Variants in ITSN1 observed in about 807,000 individuals in gnomAD.
ITSN1 encodes intersectin-1.
Under a neutral mutation model 239.8 loss-of-function variants are expected in ITSN1, and 58 were observed. The ratio of observed to expected loss-of-function variants is 0.24; its 90% CI spans 0.20 to 0.30. ITSN1 has a LOEUF of 0.30. ITSN1 is among the 10% of genes least tolerant of loss of function. The probability of loss-of-function intolerance (pLI) is 1.00; values close to 1 mark genes in which losing one functional copy is unlikely to be tolerated. For missense variants in ITSN1, 1,558 were observed against 2,103.3 expected, an observed-to-expected ratio of 0.74 and a Z score of 5.07; for synonymous variants, 780 against 770.8, an observed-to-expected ratio of 1.01 and a Z score of -0.20.
At chr21:33,727,926 C>T (rs2065927511) in intron 4 of ITSN1, among the ~76,000 whole-genome samples, 1 of 152,028 alleles carries the variant, frequency 6.6e-6, no homozygotes, top group African/African-American at 2.4e-5. Context: ...CTCTCTTTCA[C>T]ACTTGCCCCT....
Position 33,769,323 on chromosome 21 carries a change from T to C in ITSN1, c.1042+1495T>C, listed in dbSNP as rs369483586. Among the ~76,000 whole-genome samples the C allele has an allele frequency of 1.6e-4, 24 of 152,352 alleles. No homozygotes were observed. In the South Asian group the frequency reaches 4.6e-3, roughly 29 times the overall value. On this transcript the variant is annotated intron_variant, in intron 11 of 39. Coordinates refer to ENST00000381318, the MANE Select transcript of ITSN1 (RefSeq NM_003024.3). ...TCATTCCTTCAACAGCCGTTTATTA[T>C]ATGCCTCCTACATACTAGGAATATT...
intron 22 of ITSN1, chr21:33,818,035 C>A (rs2073404969): frequency 1.8e-6 from 1 of 552,770 alleles, no homozygotes; most frequent in Non-Finnish European, 3.2e-6. Flanking sequence ...TCTAGATGGT[C>A]AGACAATGAC....
At chr21:33,823,869 G>A (rs2073827574) in intron 25 of ITSN1, among the ~76,000 whole-genome samples, 1 of 152,142 alleles carries the variant, frequency 6.6e-6, no homozygotes, top group Non-Finnish European at 1.5e-5. Flanking sequence ...CTAAGTGGAG[G>A]CTGAGTGTGA....
At chr21:33,871,510 G>A (rs1300935269) in intron 33 of ITSN1, among the ~76,000 whole-genome samples, 2 of 151,936 alleles carry the variant, frequency 1.3e-5, no homozygotes, top group Non-Finnish European at 2.9e-5. Flanking sequence ...TTGGGAGGCC[G>A]AGGCAGGCAG....
chr21:33,799,612 G>A (rs1342667872), intron 18 of ITSN1, among the ~76,000 whole-genome samples, 196 bp from the exon 19 acceptor site: 1 of 144,062 alleles, frequency 6.9e-6, no homozygotes. Flanking sequence ...ACTCTCTCAT[G>A]GGTTTTTGTT....
chr21:33,814,875 G>A (rs916869430), intron 22 of ITSN1, among the ~76,000 whole-genome samples: 42 of 152,286 alleles, frequency 2.8e-4, no homozygotes, highest in Non-Finnish European at 5.4e-4. Context: ...GGGAGGTGCC[G>A]GTGGAAGCAG....
chr21:33,882,330 G>T lies in ITSN1; in HGVS notation c.4429G>T (p.Glu1477Ter). Residue 1477 changes from glutamate to a stop codon, truncating the protein, a stop_gained, in exon 35 of 40, where the codon GAG (glutamate) becomes TAG (stop). Transcript: ENST00000381318. LOFTEE classifies it high-confidence loss of function. This position sits in a 1 kb window ranked among gnomAD's most constrained non-coding sequence, Gnocchi z 4.5. ...GKLYKAKSNK[E>*]LYGFLFNDFL... ...GCTCTACAAGGCCAAGAGCAACAAG[G>T]AGCTGTATGGCTTCCTTTTCAACGA... The T allele has an allele frequency of 6.2e-7, 1 of 1,614,196 alleles. No homozygotes were observed. Among genetic ancestry groups the T allele is most frequent in the South Asian group, 1.1e-5 (1 of 91,080 alleles).
At chr21:33,727,876 A>G (rs542318983) in intron 4 of ITSN1, among the ~76,000 whole-genome samples, 1 of 151,394 alleles carries the variant, frequency 6.6e-6, no homozygotes, top group Non-Finnish European at 1.5e-5. Flanking sequence ...CTAACCTGTC[A>G]TCTCACCTGG....
At chr21:33,676,036 GT>G (rs1008484292) in intron 1 of ITSN1, among the ~76,000 whole-genome samples, 44 of 141,938 alleles carry the variant, frequency 3.1e-4, no homozygotes, top group East Asian at 8.3e-4. Context: ...CCTTTTTTTT[GT>G]TTTTTTTTTT....
chr21:33,733,978 A>G (rs1398864149), intron 4 of ITSN1, among the ~76,000 whole-genome samples: 1 of 152,088 alleles, frequency 6.6e-6, no homozygotes, highest in Non-Finnish European at 1.5e-5. Flanking sequence ...AATTCCAGCT[A>G]TGCAGAATTG....
At chr21:33,749,899 G>A (rs762518921) in intron 5 of ITSN1, among the ~76,000 whole-genome samples, 1 of 152,052 alleles carries the variant, frequency 6.6e-6, no homozygotes, top group Non-Finnish European at 1.5e-5. Flanking sequence ...TAAGTCCACT[G>A]CAGTTATTAT....
At chr21:33,684,865 T>C (rs1431450355) in intron 1 of ITSN1, among the ~76,000 whole-genome samples, 3 of 152,232 alleles carry the variant, frequency 2.0e-5, no homozygotes, top group African/African-American at 4.8e-5. Flanking sequence ...TTGCTGTCCT[T>C]GTGAATTCTT....
At chr21:33,656,089 C>T (rs547126578) in intron 1 of ITSN1, among the ~76,000 whole-genome samples, 2 of 152,284 alleles carry the variant, frequency 1.3e-5, no homozygotes, top group Admixed American at 6.5e-5. Flanking sequence ...TAGTGACTCA[C>T]ATACCTGTCA....
intron 20 of ITSN1, among the ~76,000 whole-genome samples, chr21:33,806,355 G>A (rs1032719532): frequency 3.3e-5 from 5 of 152,152 alleles, no homozygotes; most frequent in African/African-American, 2.4e-5. Context: ...TGAATACACA[G>A]GCTAAACCTG....
chr21:33,838,479 A>C, intron 29 of ITSN1: 1 of 981,032 alleles, frequency 1.0e-6, no homozygotes, highest in Non-Finnish European at 1.2e-6. Flanking sequence ...TAGATAATTA[A>C]ATTCTTCATA....
intron 8 of ITSN1, among the ~76,000 whole-genome samples, chr21:33,760,218 C>T (rs186742076): frequency 5.2e-4 from 79 of 152,214 alleles, no homozygotes; most frequent in African/African-American, 1.9e-3. Flanking sequence ...CAACTCTACA[C>T]GACAATATAT....
intron 1 of ITSN1, among the ~76,000 whole-genome samples, chr21:33,659,630 C>G (rs1255489239): frequency 6.6e-6 from 1 of 150,454 alleles, no homozygotes; most frequent in Admixed American, 6.6e-5. Context: ...AGTACCTGCC[C>G]TTAAGCTAGA....
At chr21:33,795,156 G>C (rs2071439102) in intron 17 of ITSN1, among the ~76,000 whole-genome samples, 2 of 152,082 alleles carry the variant, frequency 1.3e-5, no homozygotes, top group African/African-American at 4.8e-5. Flanking sequence ...GTTGGTAATT[G>C]AAATTAGATT....
At chr21:33,667,817 C>A (rs982929098) in intron 1 of ITSN1, among the ~76,000 whole-genome samples, 1 of 152,080 alleles carries the variant, frequency 6.6e-6, no homozygotes, top group Non-Finnish European at 1.5e-5. Context: ...AATAATAGCT[C>A]CCTGGGAATG....
Sources: allele counts gnomAD v4.1 joint callset (sites outside exome capture counted in the v4.1 genomes callset), GRCh38; gene constraint gnomAD v4.1.1; non-coding constraint Gnocchi (gnomAD v3.1); transcripts MANE v1.5; gene names NCBI Gene and HGNC (gene_info 2026-07-23, HGNC 2026-07-21).